The following SMCHD1 variants were observed in gnomAD, a reference collection of about 807,000 sequenced individuals.
SMCHD1 encodes the protein structural maintenance of chromosomes flexible hinge domain-containing protein 1.
A neutral mutation model predicts 254.7 loss-of-function variants in SMCHD1; 78 were observed. The ratio of observed to expected loss-of-function variants is 0.31; its 90% CI spans 0.26 to 0.37. The LOEUF (loss-of-function observed/expected upper bound fraction) is 0.37, where lower values mean the gene tolerates loss of function less well. Among genes scored for constraint, SMCHD1 ranks in the 10% least tolerant of loss-of-function variants. SMCHD1 has a pLI of 1.00. For synonymous variants in SMCHD1, 766 were observed against 794.9 expected (o/e 0.96, Z 0.61); for missense variants, 1,840 against 2,408.1 (o/e 0.76, Z 4.94).
At chr18:2,798,647 A>G (rs981160105) in intron 47 of SMCHD1, among the ~76,000 whole-genome samples, 1 of 152,232 alleles carries the variant, frequency 6.6e-6, no homozygotes, top group Non-Finnish European at 1.5e-5. Context: ...GATATACTCT[A>G]AAATACTCCA....
chr18:2,729,416 T>C lies in SMCHD1; in HGVS notation c.3048+7T>C. 6.7e-7 allele frequency: 1 copy of C among 1,502,622 alleles called. No individual in the cohort carries two copies. The highest frequency in any genetic ancestry group is 8.9e-7 in the Non-Finnish European group (1 of 1,127,484). 93.1% of individuals were successfully genotyped at this position (1,502,622 alleles called of 1,614,324 possible). A position where few individuals can be genotyped will look rare whatever the true frequency, so the allele number is the denominator to read the frequency against. On this transcript the variant is annotated splice_region_variant and intron_variant, in intron 24 of 47. Transcript: ENST00000320876. ...AGCAAGAATTGAAATACCTGTAAGT[T>C]ATTATTGTTACTCATTGATATTATA...
chr18:2,666,775 G>A, intron 2 of SMCHD1, 95 bp from the exon 3 acceptor site: 1 of 1,012,592 alleles, frequency 9.9e-7, no homozygotes, highest in Non-Finnish European at 1.4e-6. Context: ...CATCATTAAA[G>A]ATATTTCATA....
chr18:2,671,084 G>A (rs1323914987), intron 3 of SMCHD1, among the ~76,000 whole-genome samples: 1 of 151,212 alleles, frequency 6.6e-6, no homozygotes, highest in Non-Finnish European at 1.5e-5. Context: ...TTACAGGCGT[G>A]CACCACCACA....
chr18:2,662,600 G>A (rs557024845), intron 1 of SMCHD1, among the ~76,000 whole-genome samples: 121 of 145,142 alleles, frequency 8.3e-4, no homozygotes, highest in African/African-American at 2.9e-3. Flanking sequence ...AGCTGAGATC[G>A]TGCCATTGCA....
chr18:2,674,026 A>G lies in SMCHD1; in HGVS notation c.519A>G (p.Glu173=), dbSNP rs2073681851. 6.3e-7 allele frequency: 1 copy of G among 1,585,426 alleles called. No homozygotes were observed. The highest frequency in any genetic ancestry group is 1.2e-5 in the South Asian group (1 of 85,984). The change falls in exon 5 of 48, where the codon GAA becomes GAG. Residue 173 remains glutamate, a synonymous_variant. Coordinates refer to ENST00000320876, the MANE Select transcript of SMCHD1 (RefSeq NM_015295.3). The part of the protein sequence containing the change: ...RRIQIKLLFD[E]TQGKPAVAVI... ...ATTTTGTTTCATAGCTTTTTGATGA[A>G]ACACAAGGAAAACCTGCTGTTGCAG...
chr18:2,766,131 C>T (rs2075864189), intron 37 of SMCHD1, among the ~76,000 whole-genome samples: 1 of 152,056 alleles, frequency 6.6e-6, no homozygotes, highest in African/African-American at 2.4e-5. Flanking sequence ...GTAGCTGGTA[C>T]TACAGGCACC....
At chr18:2,740,011 G>A (rs1227205720) in intron 27 of SMCHD1, among the ~76,000 whole-genome samples, 1 of 151,722 alleles carries the variant, frequency 6.6e-6, no homozygotes, top group Non-Finnish European at 1.5e-5. Context: ...GTATACACGT[G>A]CCATGGTGGT....
chr18:2,689,408 ACAGTGTTTCAC>A (rs1568146512), intron 7 of SMCHD1, among the ~76,000 whole-genome samples: 1 of 151,666 alleles, frequency 6.6e-6, no homozygotes, highest in Non-Finnish European at 1.5e-5. Flanking sequence ...TTTGGTAGAG[ACAGTGTTTCAC>A]CATGTTGGCC....
chr18:2,702,694 A>G (rs568557377), intron 12 of SMCHD1, among the ~76,000 whole-genome samples: 2 of 152,326 alleles, frequency 1.3e-5, no homozygotes, highest in African/African-American at 4.8e-5. Flanking sequence ...CCATGTATAT[A>G]TATTTCCTTT....
intron 17 of SMCHD1, among the ~76,000 whole-genome samples, chr18:2,714,231 A>T (rs2074744989): frequency 6.6e-6 from 1 of 152,142 alleles, no homozygotes; most frequent in Non-Finnish European, 1.5e-5. Context: ...GATTCCTTTA[A>T]CATTATATAA....
Position 2,749,673 on chromosome 18 carries a change from A to C in SMCHD1, c.3928-370A>C, listed in dbSNP as rs150895390. 1.6e-3 allele frequency among the ~76,000 whole-genome samples: 246 copies of C among 152,332 alleles called. 1 individual carries two copies. The highest frequency in any genetic ancestry group is 5.8e-3 in the African/African-American group (241 of 41,588). On this transcript the variant is annotated intron_variant, in intron 30 of 47. Transcript: ENST00000320876. ...TGACTTGAGTATGTGTGTACAGTAT[A>C]TATTTCTCCAGTGCAGTCCCCTATA...
At chr18:2,745,771 A>AT (rs1180966499) in intron 29 of SMCHD1, among the ~76,000 whole-genome samples, 2 of 152,208 alleles carry the variant, frequency 1.3e-5, no homozygotes, top group African/African-American at 4.8e-5. Context: ...TATAAGAGTT[A>AT]TTTGTAGATC....
chr18:2,728,301 A>T, intron 22 of SMCHD1, 156 bp from the exon 23 acceptor site: 1 of 678,774 alleles, frequency 1.5e-6, no homozygotes, highest in South Asian at 2.0e-5. Context: ...GCATTTTGGG[A>T]TGAAACTGAT....
At chr18:2,745,737 C>G (rs2075442431) in intron 29 of SMCHD1, among the ~76,000 whole-genome samples, 1 of 152,104 alleles carries the variant, frequency 6.6e-6, no homozygotes, top group Middle Eastern at 3.2e-3. Flanking sequence ...AAAATAATGA[C>G]AGCTTGTTAG....
In SMCHD1 at chr18:2,772,283, C is replaced by G; in HGVS notation, c.5086C>G (p.Leu1696Val). The G allele has an allele frequency of 6.2e-7, 1 of 1,604,440 alleles. No homozygotes were observed. Among genetic ancestry groups the G allele is most frequent in the Non-Finnish European group, 8.5e-7 (1 of 1,176,414 alleles). ...CATTGAAGCACTTCTGAAAAGAAAG[C>G]TATCAGAACAAGAAGAACTGAAGAA... is the stretch of plus-strand genomic sequence containing the variant. ...PHIEALLKRK[L>V]SEQEELKKKP... Residue 1696 changes from leucine (L) to valine (V), a missense_variant, in exon 41 of 48, where the codon CTA becomes GTA. This residue lies in a region of SMCHD1 where 881 missense variants were observed against 1,009.5 expected (regional missense o/e 0.87). Transcript: ENST00000320876.
At chr18:2,667,187 A>C (rs1373861504) in intron 3 of SMCHD1, among the ~76,000 whole-genome samples, 156 bp downstream of exon 3, 1 of 152,088 alleles carries the variant, frequency 6.6e-6, no homozygotes, top group Non-Finnish European at 1.5e-5. Context: ...CGGTATTATT[A>C]TGTCTTCTAC....
At chr18:2,784,729 A>T in intron 45 of SMCHD1, 108 bp downstream of exon 45, 1 of 1,225,846 alleles carries the variant, frequency 8.2e-7, no homozygotes, top group Non-Finnish European at 1.1e-6. Context: ...AAATGTAAGT[A>T]AGTAACAAAT....
chr18:2,687,436 C>A (rs750212036), intron 5 of SMCHD1, among the ~76,000 whole-genome samples: 1 of 152,050 alleles, frequency 6.6e-6, no homozygotes, highest in Non-Finnish European at 1.5e-5. Context: ...CTGTCTTTTA[C>A]TGTTGCTGTC....
intron 41 of SMCHD1, 46 bp from the exon 42 acceptor site, chr18:2,775,688 T>C: frequency 6.6e-7 from 1 of 1,514,148 alleles, no homozygotes; most frequent in Non-Finnish European, 8.9e-7. Flanking sequence ...ATCAAATTTT[T>C]ATATATGGAT....
Sources: gnomAD v4.1 joint callset for allele counts (sites outside exome capture counted in the v4.1 genomes callset) on GRCh38, gnomAD v4.1.1 for gene constraint, gnomAD v4.1.1 regional missense constraint, MANE v1.5 for transcripts, NCBI Gene and HGNC (gene_info 2026-07-23, HGNC 2026-07-21) for gene names.